The following DEPDC5 variants were observed in gnomAD, a reference collection of about 807,000 sequenced individuals.
DEPDC5 encodes GATOR1 complex protein DEPDC5.
In DEPDC5, 73 loss-of-function variants were observed where a neutral mutation model predicts 217.3. The observed-to-expected ratio is 0.34, with a 90% CI of 0.28 to 0.41. The LOEUF is 0.41. Ranked by LOEUF, DEPDC5 falls within the 10% of genes least tolerant of loss-of-function variation. The probability of loss-of-function intolerance (pLI) is 1.00; values close to 1 mark genes in which losing one functional copy is unlikely to be tolerated. For missense variants in DEPDC5, 1,675 were observed against 2,070.1 expected, an observed-to-expected ratio of 0.81 and a Z score of 3.70; for synonymous variants, 733 against 756.7, an observed-to-expected ratio of 0.97 and a Z score of 0.51.
At chr22:31,854,350 A>G (rs964720871) in intron 31 of DEPDC5, among the ~76,000 whole-genome samples, 2 of 152,206 alleles carry the variant, frequency 1.3e-5, no homozygotes, top group Admixed American at 1.3e-4. Flanking sequence ...CTGGGGATGC[A>G]AGAATCTCAC....
chr22:31,857,173 A>G (rs1291293649), intron 31 of DEPDC5, among the ~76,000 whole-genome samples: 1 of 152,196 alleles, frequency 6.6e-6, no homozygotes, highest in Non-Finnish European at 1.5e-5. Flanking sequence ...CACTCAAACC[A>G]TGTCAGTCCC....
chr22:31,876,136 G>C, intron 36 of DEPDC5, 21 bp from the exon 37 acceptor site: 2 of 1,611,698 alleles, frequency 1.2e-6, no homozygotes, highest in Non-Finnish European at 1.7e-6. Flanking sequence ...AGGAATTTCA[G>C]AGTTTCAATG....
chr22:31,888,311 G>T (rs148490555), intron 38 of DEPDC5, among the ~76,000 whole-genome samples: 1,466 of 137,464 alleles, frequency 0.011, 31 homozygotes, highest in African/African-American at 0.038. Context: ...GTGCAGTGGC[G>T]TGATCTCAGC....
At chr22:31,874,006 T>C (rs536531252) in intron 35 of DEPDC5, 4 of 350,230 alleles carry the variant, frequency 1.1e-5, no homozygotes, top group South Asian at 1.1e-4. Flanking sequence ...TTGGTCAGGC[T>C]GGTCTCAAAC....
intron 20 of DEPDC5, chr22:31,813,772 C>G (rs1391670629): frequency 6.6e-6 from 1 of 151,924 alleles, no homozygotes; most frequent in Non-Finnish European, 1.5e-5. Flanking sequence ...ACAGTTATCA[C>G]CATGTTGTCA....
intron 10 of DEPDC5, among the ~76,000 whole-genome samples, chr22:31,787,120 C>CTG: frequency 1.3e-5 from 2 of 152,032 alleles, no homozygotes; most frequent in East Asian, 3.9e-4. Context: ...CAGGGTCTCA[C>CTG]TGTCACCCAG....
chr22:31,873,084 C>T, intron 34 of DEPDC5, 171 bp from the exon 35 acceptor site: 2 of 1,319,890 alleles, frequency 1.5e-6, no homozygotes, highest in Non-Finnish European at 2.0e-6. Context: ...AATAGGAAAC[C>T]CCCTATGAGA....
intron 4 of DEPDC5, among the ~76,000 whole-genome samples, chr22:31,762,292 A>G (rs1028265933): frequency 6.6e-6 from 1 of 152,228 alleles, no homozygotes; most frequent in South Asian, 2.1e-4. Flanking sequence ...CGGACTATAC[A>G]GTCTAGGCGT....
intron 18 of DEPDC5, among the ~76,000 whole-genome samples, chr22:31,808,033 G>A (rs1262522130): frequency 6.6e-6 from 1 of 152,112 alleles, no homozygotes; most frequent in African/African-American, 2.4e-5. Context: ...TATAGAAAGG[G>A]CCTCTCTTGC....
At chr22:31,894,854 A>G (rs933349804) in intron 39 of DEPDC5, 1 of 149,914 alleles carries the variant, frequency 6.7e-6, no homozygotes, top group Non-Finnish European at 1.5e-5. Context: ...TAAAAAAAAA[A>G]GGAAAAAAAA....
At chr22:31,805,335 C>T (rs955866757) in intron 17 of DEPDC5, among the ~76,000 whole-genome samples, 14 of 152,118 alleles carry the variant, frequency 9.2e-5, no homozygotes, top group African/African-American at 3.4e-4. Flanking sequence ...AACTATGACA[C>T]TAATCTTATT....
At position 31,874,344 on chromosome 22, in the gene DEPDC5, A is replaced by C. The variant is rs760828155; in HGVS notation, c.3635A>C (p.His1212Pro). 4 of 1,611,550 alleles carry C rather than the reference A, an allele frequency of 2.5e-6. No homozygotes were observed. The highest frequency in any genetic ancestry group is 8.5e-7 in the Non-Finnish European group (1 of 1,179,000). Residue 1212 changes from histidine (H) to proline (P), a missense_variant, in exon 36 of 43, where the codon CAC (histidine) becomes CCC (proline). His to Pro is a moderately conservative substitution (Grantham distance 77). This residue lies in a region of DEPDC5 where 194 missense variants were observed against 199.3 expected (regional missense o/e 0.97). Transcript: ENST00000651528. ...PYCFISAEVV[H>P]WLVNHVEGIQ... ...TGCTTCATCAGCGCGGAGGTGGTAC[A>C]CTGGTTGGTGAACCACGTGGAGGGG...
intron 13 of DEPDC5, among the ~76,000 whole-genome samples, chr22:31,798,377 G>C (rs1017095538): frequency 1.3e-5 from 2 of 152,162 alleles, no homozygotes; most frequent in African/African-American, 4.8e-5. Flanking sequence ...AATTAGCCTT[G>C]TGTGGTGGCG....
intron 12 of DEPDC5, among the ~76,000 whole-genome samples, chr22:31,793,340 T>C (rs929892139): frequency 6.6e-6 from 1 of 152,132 alleles, no homozygotes; most frequent in African/African-American, 2.4e-5. Flanking sequence ...CTTCTAAATG[T>C]TTTATTGTGA....
intron 41 of DEPDC5, among the ~76,000 whole-genome samples, chr22:31,902,408 TTATA>T (rs66813737): frequency 0.02 from 2,282 of 111,918 alleles, 119 homozygotes; most frequent in African/African-American, 0.072. Flanking sequence ...CATCTCCTTA[TTATA>T]TATATATATA....
intron 41 of DEPDC5, 36 bp from the exon 42 acceptor site, chr22:31,905,948 A>G (rs1411483601): frequency 6.4e-7 from 1 of 1,572,330 alleles, no homozygotes; most frequent in Admixed American, 1.7e-5. Flanking sequence ...TTAACTAAGG[A>G]GGCGCTGATT....
rs762449508 is a variant in DEPDC5, at chr22:31,861,429, C to T, written c.3326C>T (p.Pro1109Leu). ...CGCACAGCATCGTCCGCCTTCTACC[C>T]TCAGGTTAGTCCAACTCCAGGGCTT... ...SPRTASSAFYPQVSVDQTATP... is the reference protein window; with the variant it reads ...SPRTASSAFYLQVSVDQTATP... Residue 1109 changes from proline to leucine, a missense_variant, in exon 33 of 43, where the codon CCT becomes CTT. Physicochemically the swap from Pro to Leu is moderately conservative, Grantham distance 98. Coordinates refer to ENST00000651528, the MANE Select transcript of DEPDC5 (RefSeq NM_001242896.3). 4 of 1,551,418 alleles carry T rather than the reference C, an allele frequency of 2.6e-6. No individual in the cohort carries two copies. The East Asian group carries it at 9.8e-5, about 38-fold the overall frequency.
intron 4 of DEPDC5, among the ~76,000 whole-genome samples, chr22:31,761,240 C>G (rs2082363681): frequency 6.6e-6 from 1 of 152,158 alleles, no homozygotes; most frequent in South Asian, 2.1e-4. Context: ...CTTGGCCCCC[C>G]AAAGTGCTGG....
At chr22:31,794,369 T>A (rs2086009895) in intron 12 of DEPDC5, among the ~76,000 whole-genome samples, 1 of 152,134 alleles carries the variant, frequency 6.6e-6, no homozygotes, top group African/African-American at 2.4e-5. Flanking sequence ...ATCTGTATAA[T>A]GAATATGAAT....
Sources: gnomAD v4.1 joint callset for allele counts (sites outside exome capture counted in the v4.1 genomes callset) on GRCh38, gnomAD v4.1.1 for gene constraint, gnomAD v4.1.1 regional missense constraint, MANE v1.5 for transcripts, NCBI Gene and HGNC (gene_info 2026-07-23, HGNC 2026-07-21) for gene names.